Variants in LRRTM4 observed in about 807,000 individuals in gnomAD.
LRRTM4 encodes leucine-rich repeat transmembrane neuronal protein 4.
LRRTM4 carries 25 observed loss-of-function variants against 47.6 expected under a neutral mutation model. The observed-to-expected ratio is 0.53, with a 90% CI of 0.38 to 0.73. The LOEUF is 0.73. Among genes scored for constraint, LRRTM4 ranks in the 30% least tolerant of loss-of-function variants. The pLI is 0.00. For missense variants in LRRTM4, 638 were observed against 713.4 expected (o/e 0.89, Z 1.20); for synonymous variants, 311 against 269.5 (o/e 1.15, Z -1.51).
chr2:77,274,362 A>C (rs1258744762), intron 3 of LRRTM4, among the ~76,000 whole-genome samples: 1 of 152,186 alleles, frequency 6.6e-6, no homozygotes, highest in Non-Finnish European at 1.5e-5. Context: ...ATTGCAGAGA[A>C]ACGTGGTGAA....
At chr2:77,518,218 T>A in intron 3 of LRRTM4, 100 bp downstream of exon 3, 1 of 1,386,476 alleles carries the variant, frequency 7.2e-7, no homozygotes, top group Non-Finnish European at 9.3e-7. Context: ...AGCAAAAGGG[T>A]CATTAATCTT....
At chr2:77,418,298 G>T (rs889994396) in intron 3 of LRRTM4, among the ~76,000 whole-genome samples, 1 of 152,100 alleles carries the variant, frequency 6.6e-6, no homozygotes, top group Admixed American at 6.6e-5. Flanking sequence ...TATGTGACAT[G>T]ATCTGATTAG....
rs572547206 is a variant in LRRTM4 at position 77,099,048 on chromosome 2, C to CTT, written c.1552-350133_1552-350132insAA. Among the ~76,000 whole-genome samples the CTT allele has an allele frequency of 1.1e-3, 169 of 151,786 alleles. 2 individuals carry two copies. Among genetic ancestry groups the CTT allele is most frequent in the Middle Eastern group, 3.5e-3 (1 of 282 alleles). On this transcript the variant is annotated intron_variant, in intron 3 of 3. Coordinates refer to ENST00000409884, the MANE Select transcript of LRRTM4 (RefSeq NM_001134745.3). ...TGGTAATTTAAATTCATTAAAAACA[C>CTT]TAGGGAATAATTTAGCATTATCTAG... is the stretch of plus-strand genomic sequence containing the variant.
intron 3 of LRRTM4, among the ~76,000 whole-genome samples, chr2:77,348,631 T>C (rs1431663264): frequency 6.6e-6 from 1 of 150,614 alleles, no homozygotes; most frequent in East Asian, 2.0e-4. Context: ...TTATTGGAAT[T>C]ATGATTTTTT....
At chr2:76,749,010 G>T in intron 3 of LRRTM4, 94 bp from the exon 4 acceptor site, 1 of 928,060 alleles carries the variant, frequency 1.1e-6, no homozygotes, top group Non-Finnish European at 1.7e-6. Context: ...TCTCTTTCAT[G>T]CTGTTTCAAG....
intron 3 of LRRTM4, among the ~76,000 whole-genome samples, chr2:76,977,937 G>C (rs1394292353): frequency 1.3e-5 from 2 of 151,954 alleles, no homozygotes. Context: ...GAACTGAAAG[G>C]CTTGCTGAGC....
chr2:76,862,273 C>G (rs1331610727), intron 3 of LRRTM4, among the ~76,000 whole-genome samples: 1 of 152,098 alleles, frequency 6.6e-6, no homozygotes, highest in Non-Finnish European at 1.5e-5. Context: ...TGCATAGTTC[C>G]TCTCAGGTGA....
chr2:77,371,686 T>C (rs1672662259), intron 3 of LRRTM4, among the ~76,000 whole-genome samples: 1 of 151,744 alleles, frequency 6.6e-6, no homozygotes, highest in South Asian at 2.1e-4. Flanking sequence ...CTGACTACAC[T>C]AATTAACCTT....
chr2:77,429,721 G>T lies in LRRTM4; in HGVS notation c.1551+88597C>A, dbSNP rs150778709. ...GAGCTGGGACAGAAAGAAGGGGTGGGGGAAATATTGATCAAAGGATATAAA... is the reference window on the plus strand; with the variant it reads ...GAGCTGGGACAGAAAGAAGGGGTGGTGGAAATATTGATCAAAGGATATAAA... On this transcript the variant is annotated intron_variant, in intron 3 of 3. Coordinates refer to ENST00000409884, the MANE Select transcript of LRRTM4 (RefSeq NM_001134745.3). Among the ~76,000 whole-genome samples the T allele has an allele frequency of 5.0e-3, 757 of 152,236 alleles. 5 individuals are homozygous for T. The highest frequency in any genetic ancestry group is 0.017 in the African/African-American group (717 of 41,534).
At chr2:77,096,632 T>C (rs769120053) in intron 3 of LRRTM4, among the ~76,000 whole-genome samples, 2 of 151,592 alleles carry the variant, frequency 1.3e-5, no homozygotes, top group Non-Finnish European at 3.0e-5. Flanking sequence ...CTGTACATTT[T>C]CTGAATTGAT....
intron 3 of LRRTM4, among the ~76,000 whole-genome samples, chr2:77,396,601 T>A (rs1432871620): frequency 6.6e-6 from 1 of 151,980 alleles, no homozygotes; most frequent in African/African-American, 2.4e-5. Context: ...CCTCATTATA[T>A]CTTTCACTGA....
intron 3 of LRRTM4, among the ~76,000 whole-genome samples, chr2:77,062,157 G>T (rs1679807543): frequency 6.6e-6 from 1 of 152,204 alleles, no homozygotes; most frequent in East Asian, 1.9e-4. Context: ...TTGGGGGGTG[G>T]CAGGCATAAC....
chr2:76,901,261 C>T lies in LRRTM4; in HGVS notation c.1552-152345G>A, dbSNP rs559075064. ...GTTCCCCTTCCTGTGTCCATGTGAT[C>T]TCCTTGTTCAGCTCCAACTTATAAG... On this transcript the variant is annotated intron_variant, in intron 3 of 3. Coordinates refer to ENST00000409884, the MANE Select transcript of LRRTM4 (RefSeq NM_001134745.3). Among the ~76,000 whole-genome samples the T allele has an allele frequency of 2.0e-5, 3 of 152,200 alleles. No individual in the cohort carries two copies. The East Asian group carries it at 5.8e-4, about 29-fold the overall frequency.
chr2:76,946,604 G>C (rs948592501), intron 3 of LRRTM4, among the ~76,000 whole-genome samples: 9 of 151,614 alleles, frequency 5.9e-5, no homozygotes, highest in African/African-American at 1.9e-4. Context: ...ATTTTGTCAT[G>C]GTTAAAATCA....
intron 3 of LRRTM4, among the ~76,000 whole-genome samples, chr2:77,083,804 T>G (rs868694405): frequency 0.073 from 7,511 of 102,506 alleles, 692 homozygotes; most frequent in East Asian, 0.16. Context: ...TTTTTTTTTT[T>G]TTTTTTTTTT....
At chr2:77,269,977 G>A (rs768883756) in intron 3 of LRRTM4, among the ~76,000 whole-genome samples, 22 of 152,148 alleles carry the variant, frequency 1.4e-4, no homozygotes, top group Non-Finnish European at 2.8e-4. Flanking sequence ...CATTGATTTA[G>A]CTGTGTGTTT....
chr2:77,116,745 C>A (rs1423065001), intron 3 of LRRTM4, among the ~76,000 whole-genome samples: 1 of 152,028 alleles, frequency 6.6e-6, no homozygotes, highest in Non-Finnish European at 1.5e-5. Context: ...AATACAGTTT[C>A]TTTCTACTCC....
intron 3 of LRRTM4, among the ~76,000 whole-genome samples, chr2:76,828,256 A>C (rs1299666778): frequency 1.3e-5 from 2 of 151,894 alleles, no homozygotes; most frequent in African/African-American, 4.8e-5. Flanking sequence ...GCTTCCTCCA[A>C]AATTGCAGTA....
At chr2:77,056,881 T>C (rs1679625876) in intron 3 of LRRTM4, among the ~76,000 whole-genome samples, 1 of 152,232 alleles carries the variant, frequency 6.6e-6, no homozygotes, top group Non-Finnish European at 1.5e-5. Context: ...TTTTGGAAGA[T>C]AATGCTTATA....
Sources: gnomAD v4.1 joint callset for allele counts (sites outside exome capture counted in the v4.1 genomes callset) on GRCh38, gnomAD v4.1.1 for gene constraint, MANE v1.5 for transcripts, NCBI Gene and HGNC (gene_info 2026-07-23, HGNC 2026-07-21) for gene names.